PCSK6: variants seen among roughly 807,000 people sequenced by gnomAD.
PCSK6 encodes proprotein convertase subtilisin/kexin type 6.
In PCSK6, 85 loss-of-function variants were observed where a neutral mutation model predicts 123.3. The ratio of observed to expected loss-of-function variants is 0.69; its 90% confidence interval spans 0.58 to 0.83. The LOEUF (loss-of-function observed/expected upper bound fraction) is 0.83. Ranked by LOEUF, PCSK6 falls within the 40% of genes least tolerant of loss-of-function variation. The pLI is 0.00. For synonymous variants in PCSK6, 508 were observed against 516.0 expected (o/e 0.98, Z 0.21); for missense variants, 1,191 against 1,282.3 (o/e 0.93, Z 1.09).
chr15:101,337,859 C>T (rs139148448), intron 13 of PCSK6, among the ~76,000 whole-genome samples: 41 of 152,114 alleles, frequency 2.7e-4, no homozygotes, highest in African/African-American at 7.2e-4. Context: ...ACCCTGTGAA[C>T]GTGACCATTT....
intron 18 of PCSK6, among the ~76,000 whole-genome samples, chr15:101,320,860 G>A (rs189624592): frequency 1.6e-4 from 25 of 152,342 alleles, no homozygotes; most frequent in Non-Finnish European, 3.4e-4. Context: ...GAGTTTGCAC[G>A]CCTCTCTGAA....
chr15:101,317,507 CT>C (rs2040018129), intron 19 of PCSK6, among the ~76,000 whole-genome samples: 1 of 120,284 alleles, frequency 8.3e-6, no homozygotes, highest in Admixed American at 7.6e-5. Flanking sequence ...TTATAGAATT[CT>C]TTTCCTCTTT....
At chr15:101,454,472 A>G (rs2057121845) in intron 1 of PCSK6, among the ~76,000 whole-genome samples, 1 of 152,198 alleles carries the variant, frequency 6.6e-6, no homozygotes, top group African/African-American at 2.4e-5. Flanking sequence ...GATGCATGCT[A>G]CAACACAGAT....
At chr15:101,347,954 G>C (rs1009720827) in intron 13 of PCSK6, among the ~76,000 whole-genome samples, 1 of 152,194 alleles carries the variant, frequency 6.6e-6, no homozygotes, top group African/African-American at 2.4e-5. Flanking sequence ...GCTTAGCTGG[G>C]GGAAGTCTTC....
chr15:101,419,460 C>G (rs983706013), intron 6 of PCSK6, among the ~76,000 whole-genome samples: 4 of 150,276 alleles, frequency 2.7e-5, no homozygotes, highest in Non-Finnish European at 4.4e-5. Context: ...GGTGGGAAGA[C>G]TCAATATTGT....
At chr15:101,416,555 G>C (rs540697640) in intron 6 of PCSK6, among the ~76,000 whole-genome samples, 3 of 152,222 alleles carry the variant, frequency 2.0e-5, no homozygotes, top group South Asian at 4.1e-4. Flanking sequence ...CCAAGACCAT[G>C]GGAAAATGTC....
intron 7 of PCSK6, 62 bp from the exon 8 acceptor site, chr15:101,393,486 C>T (rs2042297938): frequency 7.4e-7 from 1 of 1,343,758 alleles, no homozygotes; most frequent in Non-Finnish European, 1.0e-6. Flanking sequence ...TGGGTCTCCC[C>T]CCGAACCTAG....
chr15:101,347,138 A>T lies in PCSK6; in HGVS notation c.1859-15107T>A, dbSNP rs2040754715. The T allele has an allele frequency of 9.7e-6, 12 of 1,231,700 alleles. No individual in the cohort carries two copies. The South Asian group carries it at 4.1e-4, about 42-fold the overall frequency. The allele number at this position is 1,231,700 out of a possible 1,614,324, so 76.3% of individuals were successfully genotyped here. ...TACTCTATAATTGCACTTTCCAGAA[A>T]TGAGAGTTTAGTGACAAACTTGAAA... On this transcript the variant is annotated intron_variant, in intron 13 of 21. Transcript: ENST00000611716.
chr15:101,323,633 T>A (rs2040182745), intron 17 of PCSK6, among the ~76,000 whole-genome samples: 1 of 150,756 alleles, frequency 6.6e-6, no homozygotes, highest in African/African-American at 2.4e-5. Flanking sequence ...CTCGGGAGGC[T>A]GTGGTAGGAG....
At chr15:101,433,215 G>C (rs2056500693) in intron 2 of PCSK6, among the ~76,000 whole-genome samples, 3 of 152,206 alleles carry the variant, frequency 2.0e-5, no homozygotes, top group African/African-American at 7.2e-5. Context: ...ACACAGTGGG[G>C]ACAGTCATGG....
chr15:101,400,085 A>T (rs1344771986), intron 6 of PCSK6, among the ~76,000 whole-genome samples: 1 of 152,126 alleles, frequency 6.6e-6, no homozygotes, highest in African/African-American at 2.4e-5. Context: ...ATGCAGTGAC[A>T]CAGATCATAG....
chr15:101,355,414 G>A (rs1297728924), intron 13 of PCSK6, among the ~76,000 whole-genome samples: 1 of 152,252 alleles, frequency 6.6e-6, no homozygotes, highest in African/African-American at 2.4e-5. Flanking sequence ...GACTGTGGGA[G>A]GTGCCCCAGC....
intron 6 of PCSK6, among the ~76,000 whole-genome samples, chr15:101,402,553 T>A (rs1416910378): frequency 6.6e-6 from 1 of 152,096 alleles, no homozygotes; most frequent in Non-Finnish European, 1.5e-5. Context: ...GAATCTACAA[T>A]GAACTCAAAC....
At chr15:101,388,705 C>T (rs563574236) in intron 9 of PCSK6, among the ~76,000 whole-genome samples, 91 of 86,932 alleles carry the variant, frequency 1.0e-3, no homozygotes, top group Middle Eastern at 5.8e-3. Flanking sequence ...TCACGCCCAT[C>T]AGGATGGCCT....
chr15:101,306,404 A>G (rs1434510498), intron 21 of PCSK6, among the ~76,000 whole-genome samples: 1 of 151,838 alleles, frequency 6.6e-6, no homozygotes, highest in African/African-American at 2.4e-5. Flanking sequence ...AGGGCCCTCC[A>G]CAAGCTCCAT....
chr15:101,398,443 G>T lies in PCSK6; in HGVS notation c.957C>A (p.Gly319=). The T allele has an allele frequency of 6.2e-7, 1 of 1,613,510 alleles. No homozygotes were observed. The highest frequency in any genetic ancestry group is 1.1e-5 in the South Asian group (1 of 91,034). Residue 319 remains glycine, a synonymous_variant, in exon 7 of 22, where the codon GGC becomes GGA. Coordinates refer to ENST00000611716, the MANE Select transcript of PCSK6 (RefSeq NM_002570.5). This position sits in a 1 kb window ranked among gnomAD's most constrained non-coding sequence, Gnocchi z 4.6. Reference sequence around the variant, plus strand: ...ACTCGAAAGCCTGCTTAGCCAGTCGGCCGGGCCCGTCCACCGTCTTGCCGT... The same window carrying T: ...ACTCGAAAGCCTGCTTAGCCAGTCGTCCGGGCCCGTCCACCGTCTTGCCGT... The part of the protein sequence containing the change: ...DDDGKTVDGP[G]RLAKQAFEYG...
rs373933503 is a variant in PCSK6, at chr15:101,305,405, T to A, written c.2813-50A>T. The A allele has an allele frequency of 1.1e-4, 164 of 1,496,668 alleles. No individual in the cohort carries two copies. Among genetic ancestry groups the A allele is most frequent in the Non-Finnish European group, 1.5e-4 (162 of 1,089,958 alleles). The allele number at this position is 1,496,668 out of a possible 1,614,324, so 92.7% of individuals were successfully genotyped here. On this transcript the variant is annotated intron_variant, in intron 21 of 21. Coordinates refer to ENST00000611716, the MANE Select transcript of PCSK6 (RefSeq NM_002570.5). This position sits in a 1 kb window ranked among gnomAD's most constrained non-coding sequence, Gnocchi z 4.8. ...AAAAGAGGGAAAGGTCAGTCTTCGG[T>A]GCCTGTGAAGATTGTTTCAAGGCCG...
intron 6 of PCSK6, among the ~76,000 whole-genome samples, chr15:101,410,137 T>C (rs981484780): frequency 1.3e-5 from 2 of 152,214 alleles, no homozygotes; most frequent in Non-Finnish European, 2.9e-5. Flanking sequence ...CTCACTATGT[T>C]GTTGAGGCTG....
chr15:101,398,681 C>T lies in PCSK6; in HGVS notation c.824-105G>A. 8.0e-7 allele frequency: 1 copy of T among 1,255,598 alleles called. No individual in the cohort carries two copies. Among genetic ancestry groups the T allele is most frequent in the South Asian group, 1.5e-5 (1 of 68,696 alleles). 77.8% of individuals were successfully genotyped at this position (1,255,598 alleles called of 1,614,324 possible). On this transcript the variant is annotated intron_variant, in intron 6 of 21. Transcript: ENST00000611716. This position sits in a 1 kb window ranked among gnomAD's most constrained non-coding sequence, Gnocchi z 4.6. ...GATGAGGACACCGCATCACAGAGTC[C>T]CTCCCCAGCAGGGGCTGTTCCCAGT...
Sources: gnomAD v4.1 joint callset for allele counts (sites outside exome capture counted in the v4.1 genomes callset) on GRCh38, gnomAD v4.1.1 for gene constraint, Gnocchi (gnomAD v3.1) non-coding constraint, MANE v1.5 for transcripts, NCBI Gene and HGNC (gene_info 2026-07-23, HGNC 2026-07-21) for gene names.